Variants in PHACTR2 observed in about 807,000 individuals in gnomAD.
PHACTR2 encodes the protein chromosome 6 open reading frame 56.
Under a neutral mutation model 76.0 loss-of-function variants are expected in PHACTR2, and 30 were observed. That is an observed-to-expected ratio of 0.39 (90% confidence interval 0.30 to 0.54). PHACTR2 has a LOEUF of 0.54. Among genes scored for constraint, PHACTR2 ranks in the 20% least tolerant of loss-of-function variants. The pLI is 0.61. For missense variants in PHACTR2, 696 were observed against 781.1 expected (o/e 0.89, Z 1.30); for synonymous variants, 292 against 292.5 (o/e 1.00, Z 0.02).
At chr6:143,763,583 C>A (rs1038188031) in intron 5 of PHACTR2, among the ~76,000 whole-genome samples, 34 of 152,222 alleles carry the variant, frequency 2.2e-4, no homozygotes, top group African/African-American at 7.5e-4. Flanking sequence ...AGTAACAGGT[C>A]TAGATTTGGG....
In PHACTR2 at chr6:143,698,712, G is replaced by A. The variant is rs942520363; in HGVS notation, c.47-13304G>A. 6.6e-6 allele frequency among the ~76,000 whole-genome samples: 1 copy of A among 152,214 alleles called. No homozygotes were observed. The highest frequency in any genetic ancestry group is 6.5e-5 in the Admixed American group (1 of 15,290). On this transcript the variant is annotated intron_variant, in intron 1 of 12. Transcript: ENST00000440869. The surrounding 1 kb of genome is among the most constrained non-coding windows in gnomAD (Gnocchi z 4.3). ...TTGGGTGGATGGTTGTTTGACTAAT[G>A]TCAGCCTCTCTCATGGCCTGCAAGC...
In PHACTR2 at chr6:143,791,016, C is replaced by T. The variant is rs977213273; in HGVS notation, c.1845+2106C>T. 2.6e-5 allele frequency among the ~76,000 whole-genome samples: 4 copies of T among 152,132 alleles called. No homozygotes were observed. Among genetic ancestry groups the T allele is most frequent in the African/African-American group, 9.7e-5 (4 of 41,424 alleles). On this transcript the variant is annotated intron_variant, in intron 11 of 12. Coordinates refer to ENST00000440869, the MANE Select transcript of PHACTR2 (RefSeq NM_001100164.2). The surrounding 1 kb of genome is among the most constrained non-coding windows in gnomAD (Gnocchi z 4.7). ...ACTTAATACAGTCGAATTTATCAAC[C>T]TTTTTCTTTATGGCTTATGATTTTG... is the stretch of plus-strand genomic sequence containing the variant.
rs985385975 is a variant in PHACTR2, at chr6:143,700,825, C to G, written c.47-11191C>G. ...CCATGACCTGCTCCACTTCAGACTC[C>G]GGGAGTTGTTGTATATGACTAACAT... On this transcript the variant is annotated intron_variant, in intron 1 of 12. Transcript: ENST00000440869. This position sits in a 1 kb window ranked among gnomAD's most constrained non-coding sequence, Gnocchi z 4.1. 6.6e-6 allele frequency among the ~76,000 whole-genome samples: 1 copy of G among 152,142 alleles called. No individual in the cohort carries two copies. Among genetic ancestry groups the G allele is most frequent in the Non-Finnish European group, 1.5e-5 (1 of 68,032 alleles).
Position 143,782,307 on chromosome 6 carries a change from G to T in PHACTR2, c.1646-912G>T, listed in dbSNP as rs1775451618. 6.6e-6 allele frequency among the ~76,000 whole-genome samples: 1 copy of T among 152,080 alleles called. No homozygotes were observed. Among genetic ancestry groups the T allele is most frequent in the African/African-American group, 2.4e-5 (1 of 41,408 alleles). ...AACCTTTTGGTCAAGGCTTTATATG[G>T]TGTTATTTTCCTGCAAAAGAGTTCA... is the stretch of plus-strand genomic sequence containing the variant. On this transcript the variant is annotated intron_variant, in intron 9 of 12. Coordinates refer to ENST00000440869, the MANE Select transcript of PHACTR2 (RefSeq NM_001100164.2). The surrounding 1 kb of genome is among the most constrained non-coding windows in gnomAD (Gnocchi z 4.6).
At position 143,546,500 on chromosome 6, in the gene PHACTR2, A is replaced by T. The variant is rs1281596199; in HGVS notation, c.217+9293A>T. 2.0e-5 allele frequency among the ~76,000 whole-genome samples: 3 copies of T among 152,214 alleles called. No individual in the cohort carries two copies. Among genetic ancestry groups the T allele is most frequent in the African/African-American group, 7.2e-5 (3 of 41,448 alleles). On this transcript the variant is annotated intron_variant, in intron 1 of 11. Transcript: ENST00000367584. The surrounding 1 kb of genome is among the most constrained non-coding windows in gnomAD (Gnocchi z 4.9). ...ACATAATAATTAATGGTCATTAGTC[A>T]GGTCATCAATGTTGATTTATGATCT... is the stretch of plus-strand genomic sequence containing the variant.
intron 1 of PHACTR2, among the ~76,000 whole-genome samples, chr6:143,584,122 G>A (rs1294523362): frequency 1.3e-5 from 2 of 152,168 alleles, no homozygotes; most frequent in African/African-American, 4.8e-5. Context: ...GTGCCAAACA[G>A]CTGTGACCCA....
intron 2 of PHACTR2, among the ~76,000 whole-genome samples, chr6:143,736,409 T>G (rs1778820465): frequency 6.6e-6 from 1 of 152,124 alleles, no homozygotes; most frequent in Non-Finnish European, 1.5e-5. Context: ...TATACTATGC[T>G]GCCTTCTAGG....
rs1054578524 is a variant in PHACTR2 at position 143,680,153 on chromosome 6, A to T, written c.46+1944A>T. The stretch of plus-strand genomic sequence containing the variant: ...TCAGATTCCAAATGAAAACCAAAAA[A>T]AAAAAAATTTAAATTAAATAACGTT... On this transcript the variant is annotated intron_variant, in intron 1 of 12. Transcript: ENST00000440869. This position sits in a 1 kb window ranked among gnomAD's most constrained non-coding sequence, Gnocchi z 4.5. Among the ~76,000 whole-genome samples the T allele has an allele frequency of 1.3e-5, 2 of 152,266 alleles. No homozygotes were observed. The highest frequency in any genetic ancestry group is 1.3e-4 in the Admixed American group (2 of 15,304).
intron 1 of PHACTR2, among the ~76,000 whole-genome samples, chr6:143,636,363 C>G (rs1174898025): frequency 6.6e-6 from 1 of 152,028 alleles, no homozygotes; most frequent in East Asian, 1.9e-4. Flanking sequence ...ATTTTCTTTG[C>G]CAATGCGCTT....
intron 1 of PHACTR2, among the ~76,000 whole-genome samples, chr6:143,542,357 C>T (rs1263142190): frequency 2.0e-5 from 3 of 152,196 alleles, no homozygotes; most frequent in Non-Finnish European, 2.9e-5. Flanking sequence ...GTTACCATAG[C>T]AGCTGATGAC....
In PHACTR2 at chr6:143,775,216, A is replaced by G. The variant is rs558415857; in HGVS notation, c.1589+1001A>G. Among the ~76,000 whole-genome samples, 1 of 152,284 alleles carries G rather than the reference A, an allele frequency of 6.6e-6. No homozygotes were observed. The highest frequency in any genetic ancestry group is 2.4e-5 in the African/African-American group (1 of 41,556). On this transcript the variant is annotated intron_variant, in intron 8 of 12. Coordinates refer to ENST00000440869, the MANE Select transcript of PHACTR2 (RefSeq NM_001100164.2). This position sits in a 1 kb window ranked among gnomAD's most constrained non-coding sequence, Gnocchi z 4.4. Reference sequence around the variant, plus strand: ...AGGTGTCAGAGACAGCAGCTGTGGCATCTATCTGAAGGAAAAGCACAGCCT... The same window carrying G: ...AGGTGTCAGAGACAGCAGCTGTGGCGTCTATCTGAAGGAAAAGCACAGCCT...
rs549443572 is a variant in PHACTR2 at position 143,788,472 on chromosome 6, G to A, written c.1708-301G>A. Among the ~76,000 whole-genome samples, 25 of 152,210 alleles carry A rather than the reference G, an allele frequency of 1.6e-4. No homozygotes were observed. In the South Asian group the frequency reaches 4.1e-3, roughly 25 times the overall value. On this transcript the variant is annotated intron_variant, in intron 10 of 12. Transcript: ENST00000440869. ...TGTCTGCGCATTGCATGTTCCTTGC[G>A]TCAGGGATGATAGACCTTTATCACA...
rs760658535 is a variant in PHACTR2 at position 143,760,605 on chromosome 6, C to T, written c.659C>T (p.Pro220Leu). 3 of 1,613,932 alleles carry T rather than the reference C, an allele frequency of 1.9e-6. No homozygotes were observed. In the Admixed American group the frequency reaches 5.0e-5, roughly 27 times the overall value. ...APGKQAPVPP[P>L]KPASRNTTRE... ...GGTAAGCAGGCCCCCGTCCCTCCAC[C>T]CAAGCCAGCAAGCCGAAACACGACC... Residue 220 changes from proline to leucine, a missense_variant, in exon 5 of 13, where the codon CCC (proline) becomes CTC (leucine). By Grantham distance (98) the Pro-to-Leu change is moderately conservative (BLOSUM62 -3). Transcript: ENST00000440869. This position sits in a 1 kb window ranked among gnomAD's most constrained non-coding sequence, Gnocchi z 6.4.
At position 143,633,274 on chromosome 6, in the gene PHACTR2, G is replaced by A. The variant is rs1776396413; in HGVS notation, c.13+24952G>A. 6.6e-6 allele frequency among the ~76,000 whole-genome samples: 1 copy of A among 152,214 alleles called. No homozygotes were observed. Among genetic ancestry groups the A allele is most frequent in the Non-Finnish European group, 1.5e-5 (1 of 68,038 alleles). Reference sequence around the variant, plus strand: ...CTCCACGTCTCTACCAGGATTTGGTGTTGTCAATGTTCTGGATTTTGACCA... The same window carrying A: ...CTCCACGTCTCTACCAGGATTTGGTATTGTCAATGTTCTGGATTTTGACCA... On this transcript the variant is annotated intron_variant, in intron 1 of 11. Coordinates refer to the PHACTR2 transcript ENST00000305766. This position sits in a 1 kb window ranked among gnomAD's most constrained non-coding sequence, Gnocchi z 4.1.
rs9321917 is a variant in PHACTR2 at position 143,562,203 on chromosome 6, G to A, written c.217+24996G>A. On this transcript the variant is annotated intron_variant, in intron 1 of 11. Transcript: ENST00000367584. The surrounding 1 kb of genome is among the most constrained non-coding windows in gnomAD (Gnocchi z 5.1). Reference sequence around the variant, plus strand: ...TATTAGGCCATTCTTGCACTGCTATGAATAAATACCTGAGACTGGGTAATT... The same window carrying A: ...TATTAGGCCATTCTTGCACTGCTATAAATAAATACCTGAGACTGGGTAATT... Among the ~76,000 whole-genome samples the A allele has an allele frequency of 0.52, 78,723 of 151,952 alleles. 20,771 individuals are homozygous for A. The highest frequency in any genetic ancestry group is 0.66 in the Middle Eastern group (193 of 294).
chr6:143,700,568 GA>G lies in PHACTR2; in HGVS notation c.47-11447del, dbSNP rs1777885494. On this transcript the variant is annotated intron_variant, in intron 1 of 12. Transcript: ENST00000440869. The surrounding 1 kb of genome is among the most constrained non-coding windows in gnomAD (Gnocchi z 4.1). ...GACTCCATTGATTGGGGGCAGTGGGGAGGGGGGGCGAGAGGAGAACTGTGAT... is the reference window on the plus strand; with the variant it reads ...GACTCCATTGATTGGGGGCAGTGGGGGGGGGGGCGAGAGGAGAACTGTGAT... Among the ~76,000 whole-genome samples, 1 of 152,146 alleles carries G rather than the reference GA, an allele frequency of 6.6e-6. No homozygotes were observed. The highest frequency in any genetic ancestry group is 6.5e-5 in the Admixed American group (1 of 15,272).
chr6:143,552,239 G>A (rs1775105873), intron 1 of PHACTR2, among the ~76,000 whole-genome samples: 1 of 151,948 alleles, frequency 6.6e-6, no homozygotes, highest in Admixed American at 6.5e-5. Context: ...TGGTGAGGGA[G>A]GTTAATGGCC....
In PHACTR2 at chr6:143,816,685, GA is replaced by G. The variant is rs113735043; in HGVS notation, c.1923-6976del. ...ATCCATGGGCAAATGGTGTGTGCAG[GA>G]AAAAAAAAAAAATCTTACACTGTCC... On this transcript the variant is annotated intron_variant, in intron 12 of 12. Coordinates refer to ENST00000440869, the MANE Select transcript of PHACTR2 (RefSeq NM_001100164.2). The surrounding 1 kb of genome is among the most constrained non-coding windows in gnomAD (Gnocchi z 4.5). Among the ~76,000 whole-genome samples the G allele has an allele frequency of 3.4e-3, 485 of 141,540 alleles. No homozygotes were observed. Among genetic ancestry groups the G allele is most frequent in the South Asian group, 8.4e-3 (38 of 4,498 alleles). 92.9% of individuals were successfully genotyped at this position (141,540 alleles called of 152,430 possible). A position where few individuals can be genotyped will look rare whatever the true frequency, so the allele number is the denominator to read the frequency against.
intron 10 of PHACTR2, among the ~76,000 whole-genome samples, chr6:143,788,341 T>C (rs1418328174): frequency 6.6e-6 from 1 of 152,236 alleles, no homozygotes; most frequent in Non-Finnish European, 1.5e-5. Context: ...GTGTATGGGC[T>C]TAATATTATA....
Sources: gnomAD v4.1 joint callset for allele counts (sites outside exome capture counted in the v4.1 genomes callset) on GRCh38, gnomAD v4.1.1 for gene constraint, Gnocchi (gnomAD v3.1) non-coding constraint, MANE v1.5 for transcripts, NCBI Gene and HGNC (gene_info 2026-07-23, HGNC 2026-07-21) for gene names.